CLYBL: variants seen among roughly 807,000 people sequenced by gnomAD.
CLYBL encodes the protein citramalyl-CoA lyase, also known as citramalyl-CoA lyase, mitochondrial.
Under a neutral mutation model 38.9 loss-of-function variants are expected in CLYBL, and 31 were observed. The observed-to-expected ratio is 0.80, with a 90% confidence interval of 0.60 to 1.08. The LOEUF (loss-of-function observed/expected upper bound fraction) is 1.08, where lower values mean the gene tolerates loss of function less well. CLYBL is among the 50% of genes least tolerant of loss of function. The pLI is 0.00. For synonymous variants in CLYBL, 171 were observed against 158.6 expected (o/e 1.08, Z -0.59); for missense variants, 434 against 411.6 (o/e 1.05, Z -0.47).
intron 1 of CLYBL, among the ~76,000 whole-genome samples, chr13:99,654,737 G>A (rs1402841670): frequency 6.6e-6 from 1 of 152,168 alleles, no homozygotes; most frequent in East Asian, 1.9e-4. Context: ...CGGATGCCGT[G>A]GCTCACGCCT....
intron 1 of CLYBL, among the ~76,000 whole-genome samples, chr13:99,669,716 TACAA>T (rs555519553): frequency 8.5e-5 from 13 of 152,370 alleles, no homozygotes; most frequent in East Asian, 7.7e-4. Context: ...ACAACTGAGA[TACAA>T]ACAGTGTTCT....
intron 1 of CLYBL, among the ~76,000 whole-genome samples, chr13:99,762,173 G>T (rs933595472): frequency 6.6e-6 from 1 of 151,998 alleles, no homozygotes; most frequent in African/African-American, 2.4e-5. Context: ...TTAGCTTGAT[G>T]TAATCCCATT....
chr13:99,648,944 A>C (rs947823479), intron 1 of CLYBL, among the ~76,000 whole-genome samples: 2 of 149,774 alleles, frequency 1.3e-5, no homozygotes, highest in East Asian at 3.8e-4. Flanking sequence ...CATTTAACCC[A>C]TCCCCAAAAT....
chr13:99,613,244 A>C (rs2046657187), intron 1 of CLYBL, among the ~76,000 whole-genome samples: 1 of 152,158 alleles, frequency 6.6e-6, no homozygotes, highest in Admixed American at 6.5e-5. Context: ...GTAGCAGCCA[A>C]GGAATGTGCC....
intron 2 of CLYBL, among the ~76,000 whole-genome samples, chr13:99,775,618 C>T (rs2049495818): frequency 6.6e-6 from 1 of 152,090 alleles, no homozygotes; most frequent in Non-Finnish European, 1.5e-5. Flanking sequence ...AAGCAGTCCT[C>T]CCACCTCAGC....
At chr13:99,630,352 G>A (rs1340537743) in intron 1 of CLYBL, among the ~76,000 whole-genome samples, 1 of 152,048 alleles carries the variant, frequency 6.6e-6, no homozygotes. Context: ...TAATATCTTT[G>A]TGAGAAGTGG....
chr13:99,899,968 C>T (rs2052623126), downstream of CLYBL, among the ~76,000 whole-genome samples: 1 of 151,974 alleles, frequency 6.6e-6, no homozygotes, highest in Non-Finnish European at 1.5e-5. Flanking sequence ...ACTCCTTCAC[C>T]CATGCTGGAG....
chr13:99,688,749 G>A (rs1566610436), intron 1 of CLYBL, among the ~76,000 whole-genome samples: 2 of 152,102 alleles, frequency 1.3e-5, no homozygotes, highest in Non-Finnish European at 1.5e-5. Context: ...TCTGACAGTG[G>A]CCGTTCCTGG....
At chr13:99,652,798 C>G (rs866932734) in intron 1 of CLYBL, among the ~76,000 whole-genome samples, 2 of 152,216 alleles carry the variant, frequency 1.3e-5, no homozygotes, top group South Asian at 2.1e-4. Flanking sequence ...GCCTGGGTGT[C>G]GGAGGTGAGG....
intron 8 of CLYBL, among the ~76,000 whole-genome samples, chr13:99,905,236 G>A (rs2052684179): frequency 6.6e-6 from 1 of 152,208 alleles, no homozygotes; most frequent in Non-Finnish European, 1.5e-5. Flanking sequence ...TAGGATCACA[G>A]ATGCATACCT....
chr13:99,613,025 GATAATAATAATAATAATAATA>G (rs57244403), intron 1 of CLYBL, among the ~76,000 whole-genome samples: 1 of 44,638 alleles, frequency 2.2e-5, no homozygotes, highest in African/African-American at 6.2e-5. Flanking sequence ...AAATAGTGAT[GATAATAATAATAATAATAATA>G]ATAATAATAA....
intron 1 of CLYBL, among the ~76,000 whole-genome samples, chr13:99,702,066 A>G (rs1321869964): frequency 6.6e-6 from 1 of 152,126 alleles, no homozygotes; most frequent in Non-Finnish European, 1.5e-5. Context: ...CTACTGACTG[A>G]TTGTCTACTA....
intron 2 of CLYBL, among the ~76,000 whole-genome samples, chr13:99,787,591 T>C (rs572599560): frequency 1.3e-5 from 2 of 152,348 alleles, no homozygotes; most frequent in East Asian, 3.9e-4. Flanking sequence ...CATGCTGTTT[T>C]GGTTACTGTA....
At chr13:99,660,445 TCCTTTGAC>T (rs1297855772) in intron 1 of CLYBL, among the ~76,000 whole-genome samples, 31 of 152,166 alleles carry the variant, frequency 2.0e-4, no homozygotes. Flanking sequence ...TGCTCATTGG[TCCTTTGAC>T]CTGTTGAGAA....
chr13:99,743,030 G>GT (rs1298060123), intron 1 of CLYBL, among the ~76,000 whole-genome samples: 1 of 150,810 alleles, frequency 6.6e-6, no homozygotes, highest in Non-Finnish European at 1.5e-5. Context: ...TTGGGTTCGG[G>GT]TTTTTTTCTT....
intron 2 of CLYBL, among the ~76,000 whole-genome samples, chr13:99,841,531 C>T (rs1009653209): frequency 6.6e-6 from 1 of 152,220 alleles, no homozygotes. Context: ...TCGCGAGTAG[C>T]TGGTACTACA....
chr13:99,758,288 C>T (rs113392402), intron 1 of CLYBL, among the ~76,000 whole-genome samples: 21 of 152,170 alleles, frequency 1.4e-4, no homozygotes, highest in Admixed American at 3.3e-4. Flanking sequence ...GGAAGGGAGA[C>T]GACAAAAACA....
intron 2 of CLYBL, among the ~76,000 whole-genome samples, chr13:99,846,209 A>C (rs1249309914): frequency 6.6e-6 from 1 of 152,114 alleles, no homozygotes; most frequent in East Asian, 1.9e-4. Context: ...AAGCAACAGA[A>C]ATGAAAACAT....
chr13:99,624,538 A>C (rs765379221), intron 1 of CLYBL, among the ~76,000 whole-genome samples: 2 of 152,214 alleles, frequency 1.3e-5, no homozygotes, highest in Non-Finnish European at 2.9e-5. Context: ...TAGATTCCTC[A>C]GTATTCTCTC....
Sources: gnomAD v4.1 joint callset for allele counts (sites outside exome capture counted in the v4.1 genomes callset) on GRCh38, gnomAD v4.1.1 for gene constraint, MANE v1.5 for transcripts, NCBI Gene and HGNC (gene_info 2026-07-23, HGNC 2026-07-21) for gene names.